The following GRID1 variants were observed in gnomAD, a reference collection of about 807,000 sequenced individuals.
GRID1 encodes the protein glutamate ionotropic receptor delta type subunit 1.
A neutral mutation model predicts 98.0 loss-of-function variants in GRID1; 28 were observed. The observed-to-expected ratio is 0.29, with a 90% CI of 0.21 to 0.39. The LOEUF is 0.39. GRID1 is among the 10% of genes least tolerant of loss of function. The pLI is 1.00. For synonymous variants in GRID1, 553 were observed against 538.5 expected, an observed-to-expected ratio of 1.03 and a Z score of -0.37; for missense variants, 1,111 against 1,340.5, an observed-to-expected ratio of 0.83 and a Z score of 2.67.
At chr10:86,126,178 G>A (rs1444231149) in intron 4 of GRID1, among the ~76,000 whole-genome samples, 4 of 152,178 alleles carry the variant, frequency 2.6e-5, no homozygotes, top group Non-Finnish European at 4.4e-5. Context: ...GAACTCGGCC[G>A]GGCGTGGTGG....
At chr10:85,878,000 G>A (rs144920874) in intron 5 of GRID1, among the ~76,000 whole-genome samples, 2,621 of 152,294 alleles carry the variant, frequency 0.017, 46 homozygotes, top group African/African-American at 0.043. Flanking sequence ...CGATGCAATC[G>A]ACTGGAAGAA....
At chr10:85,846,557 A>G (rs1379283010) in intron 8 of GRID1, among the ~76,000 whole-genome samples, 1 of 152,216 alleles carries the variant, frequency 6.6e-6, no homozygotes, top group African/African-American at 2.4e-5. Flanking sequence ...TAAAACAATT[A>G]TTATGCAGCA....
chr10:85,662,476 TG>T (rs1840976472), intron 12 of GRID1, among the ~76,000 whole-genome samples: 2 of 152,118 alleles, frequency 1.3e-5, no homozygotes, highest in Non-Finnish European at 2.9e-5. Flanking sequence ...CGGCTGTGGG[TG>T]GAGCCATCTC....
intron 4 of GRID1, among the ~76,000 whole-genome samples, chr10:86,012,966 T>C (rs1393649577): frequency 6.6e-6 from 1 of 152,222 alleles, no homozygotes; most frequent in Non-Finnish European, 1.5e-5. Flanking sequence ...AAGGAAATAA[T>C]ACCACGATCT....
chr10:85,856,531 C>T (rs568970326), intron 6 of GRID1, among the ~76,000 whole-genome samples: 6 of 152,086 alleles, frequency 3.9e-5, no homozygotes, highest in Non-Finnish European at 8.8e-5. Flanking sequence ...GAAAGCTCAG[C>T]GTTGAAGGAT....
chr10:86,010,683 T>C (rs1470309533), intron 4 of GRID1, among the ~76,000 whole-genome samples: 1 of 151,832 alleles, frequency 6.6e-6, no homozygotes, highest in Non-Finnish European at 1.5e-5. Context: ...CCAGGTGTGG[T>C]GGTGTGCACC....
intron 2 of GRID1, among the ~76,000 whole-genome samples, chr10:86,268,920 G>A (rs987453004): frequency 4.0e-5 from 6 of 150,808 alleles, no homozygotes; most frequent in Admixed American, 3.3e-4. Context: ...GACCTGTGAG[G>A]CGGAGGTTGC....
intron 2 of GRID1, among the ~76,000 whole-genome samples, chr10:86,226,788 C>G (rs1408083224): frequency 6.6e-6 from 1 of 151,042 alleles, no homozygotes; most frequent in African/African-American, 2.4e-5. Flanking sequence ...GCAGCCAGGC[C>G]TCCCCTCACC....
intron 3 of GRID1, among the ~76,000 whole-genome samples, chr10:86,193,314 G>T (rs1845830966): frequency 6.6e-6 from 1 of 152,154 alleles, no homozygotes; most frequent in South Asian, 2.1e-4. Flanking sequence ...AACTGTGGTT[G>T]TGTGCCTGGC....
rs1490279152 is a variant in GRID1, at chr10:86,308,626, A to T, written c.235+55315T>A. ...ATACACTTGGTTAGAGGATCTCTTA[A>T]TCCATCTCATGTTGCTGTAACGGAA... On this transcript the variant is annotated intron_variant, in intron 2 of 15. Coordinates refer to ENST00000327946, the MANE Select transcript of GRID1 (RefSeq NM_017551.3). Among the ~76,000 whole-genome samples, 3 of 152,348 alleles carry T rather than the reference A, an allele frequency of 2.0e-5. No homozygotes were observed. The South Asian group carries it at 6.2e-4, about 32-fold the overall frequency.
chr10:86,271,359 C>G (rs1007441880), intron 2 of GRID1, among the ~76,000 whole-genome samples: 4 of 151,966 alleles, frequency 2.6e-5, no homozygotes, highest in African/African-American at 9.7e-5. Context: ...TCTACGAATG[C>G]AAAAATATCC....
At chr10:86,104,256 G>A (rs1360036227) in intron 4 of GRID1, among the ~76,000 whole-genome samples, 1 of 152,172 alleles carries the variant, frequency 6.6e-6, no homozygotes, top group African/African-American at 2.4e-5. Flanking sequence ...AGAGCTCAGG[G>A]TGCAGTTGGG....
chr10:86,229,869 T>A (rs1846423380), intron 2 of GRID1, among the ~76,000 whole-genome samples: 1 of 152,150 alleles, frequency 6.6e-6, no homozygotes, highest in Non-Finnish European at 1.5e-5. Flanking sequence ...CTAGGCTATG[T>A]CCTCTGTAAG....
intron 2 of GRID1, among the ~76,000 whole-genome samples, chr10:86,233,149 G>C (rs1031404054): frequency 1.3e-5 from 2 of 151,984 alleles, no homozygotes; most frequent in African/African-American, 4.8e-5. Context: ...CGGCTGGAGC[G>C]TTTTAGGGAA....
In GRID1 at chr10:86,366,359, T is replaced by C; in HGVS notation, c.34A>G (p.Ile12Val). The change falls in exon 1 of 16, where the codon ATA becomes GTA. Residue 12 changes from isoleucine to valine, a missense_variant. Ile to Val is a conservative substitution (Grantham distance 29). Around this residue, in one of 3 missense-constraint regions of GRID1, gnomAD observed 346 missense variants for 452.3 expected, o/e 0.76. Transcript: ENST00000327946. The surrounding 1 kb of genome is among the most constrained non-coding windows in gnomAD (Gnocchi z 4.1). ...GCCCGCACCGACACGCACTGGCATA[T>C]CCAGGGGAGAAGCCACAGCGTCAGC... is the stretch of plus-strand genomic sequence containing the variant. ...EALTLWLLPWICQCVSVRADS... is the reference protein window; with the variant it reads ...EALTLWLLPWVCQCVSVRADS... 4 of 1,521,842 alleles carry C rather than the reference T, an allele frequency of 2.6e-6. No individual in the cohort carries two copies. Among genetic ancestry groups the C allele is most frequent in the Non-Finnish European group, 3.5e-6 (4 of 1,132,954 alleles). 94.3% of individuals were successfully genotyped at this position (1,521,842 alleles called of 1,614,324 possible).
At chr10:86,062,674 C>T (rs1843665669) in intron 4 of GRID1, among the ~76,000 whole-genome samples, 1 of 152,192 alleles carries the variant, frequency 6.6e-6, no homozygotes. Context: ...CGCCACTATG[C>T]CAGTCACCAG....
At chr10:85,711,017 T>C (rs1372980603) in intron 12 of GRID1, among the ~76,000 whole-genome samples, 1 of 152,024 alleles carries the variant, frequency 6.6e-6, no homozygotes, top group Non-Finnish European at 1.5e-5. Context: ...TTCTTGTGCA[T>C]TGCTGGTGGG....
intron 4 of GRID1, among the ~76,000 whole-genome samples, chr10:86,113,001 G>A (rs1284451664): frequency 6.6e-6 from 1 of 152,200 alleles, no homozygotes; most frequent in Non-Finnish European, 1.5e-5. Flanking sequence ...AGCCCTCAAT[G>A]ACCCAGCCTT....
chr10:86,358,746 A>G (rs1008346601), intron 2 of GRID1, among the ~76,000 whole-genome samples: 14 of 151,822 alleles, frequency 9.2e-5, no homozygotes, highest in Admixed American at 9.2e-4. Flanking sequence ...TGACAGAGAG[A>G]GACTCTGTCT....
Sources: allele counts gnomAD v4.1 joint callset (sites outside exome capture counted in the v4.1 genomes callset), GRCh38; gene constraint gnomAD v4.1.1; regional missense constraint gnomAD v4.1.1; non-coding constraint Gnocchi (gnomAD v3.1); transcripts MANE v1.5; gene names NCBI Gene and HGNC (gene_info 2026-07-23, HGNC 2026-07-21).